The following SLC34A2 variants were observed in gnomAD, a reference collection of about 807,000 sequenced individuals.
SLC34A2 encodes sodium-dependent phosphate transport protein 2B.
Under a neutral mutation model 50.8 loss-of-function variants are expected in SLC34A2, and 41 were observed. The ratio of observed to expected loss-of-function variants is 0.81; its 90% confidence interval spans 0.63 to 1.05. SLC34A2 has a LOEUF of 1.05. SLC34A2 is among the 50% of genes least tolerant of loss of function. The probability of loss-of-function intolerance (pLI) is 0.00; values close to 1 mark genes in which losing one functional copy is unlikely to be tolerated. For missense variants in SLC34A2, 879 were observed against 876.7 expected (o/e 1.00, Z -0.03); for synonymous variants, 401 against 364.2 (o/e 1.10, Z -1.15).
intron 10 of SLC34A2, 144 bp from the exon 11 acceptor site, chr4:25,674,152 A>G (rs1714973181): frequency 2.8e-6 from 2 of 712,658 alleles, no homozygotes; most frequent in African/African-American, 1.7e-5. Flanking sequence ...GGGGAATGAA[A>G]CTGGATTCTA....
intron 12 of SLC34A2, 145 bp from the exon 13 acceptor site, chr4:25,675,990 G>T (rs1361017231): frequency 7.5e-7 from 1 of 1,328,248 alleles, no homozygotes. Flanking sequence ...GTACCCTCTG[G>T]GCTGAGCCAT....
rs199766525 is a variant in SLC34A2 at position 25,666,279 on chromosome 4, G to A, written c.523+8G>A. On this transcript the variant is annotated splice_region_variant and intron_variant, in intron 5 of 12. Coordinates refer to ENST00000382051, the MANE Select transcript of SLC34A2 (RefSeq NM_006424.3). ...GCATGGTGTCCTCTTCATGTGAGTCGGGGCACCCATGAGCCCACCTGCATT... is the reference window on the plus strand; with the variant it reads ...GCATGGTGTCCTCTTCATGTGAGTCAGGGCACCCATGAGCCCACCTGCATT... 8.6e-5 allele frequency: 139 copies of A among 1,613,398 alleles called. No homozygotes were observed. The highest frequency in any genetic ancestry group is 5.0e-4 in the Middle Eastern group (3 of 6,060).
chr4:25,670,751 T>C lies in SLC34A2; in HGVS notation c.845T>C (p.Val282Ala), dbSNP rs1403002865. The change falls in exon 8 of 13, where the codon GTT (valine) becomes GCT (alanine). Residue 282 changes from valine (V) to alanine (A), a missense_variant. By Grantham distance (64) the Val-to-Ala change is moderately conservative (BLOSUM62 0). Transcript: ENST00000382051. ...TKLIVQLDKK[V>A]ISQIAMNDEK... Reference sequence around the variant, plus strand: ...CTGTTTCCACAGCTGGATAAAAAAGTTATCAGCCAAATTGCAATGAACGAT... The same window carrying C: ...CTGTTTCCACAGCTGGATAAAAAAGCTATCAGCCAAATTGCAATGAACGAT... 1.2e-6 allele frequency: 2 copies of C among 1,613,774 alleles called. No individual in the cohort carries two copies. The highest frequency in any genetic ancestry group is 1.7e-6 in the Non-Finnish European group (2 of 1,179,708).
chr4:25,675,175 G>T (rs1715047517), intron 12 of SLC34A2, among the ~76,000 whole-genome samples: 1 of 152,164 alleles, frequency 6.6e-6, no homozygotes, highest in South Asian at 2.1e-4. Flanking sequence ...GGGATTACAG[G>T]CACCTGCCAC....
At chr4:25,656,878 TC>T (rs1713910795) in intron 1 of SLC34A2, among the ~76,000 whole-genome samples, 1 of 152,230 alleles carries the variant, frequency 6.6e-6, no homozygotes, top group Non-Finnish European at 1.5e-5. Context: ...CTGGGCCTTG[TC>T]GTTCTTTCCT....
At chr4:25,662,140 G>A (rs1714223345) in intron 1 of SLC34A2, among the ~76,000 whole-genome samples, 1 of 152,166 alleles carries the variant, frequency 6.6e-6, no homozygotes, top group Non-Finnish European at 1.5e-5. Flanking sequence ...CCAAAGTGCT[G>A]GGATTACAGG....
chr4:25,662,148 A>G (rs1714223684), intron 1 of SLC34A2, among the ~76,000 whole-genome samples: 1 of 152,246 alleles, frequency 6.6e-6, no homozygotes, highest in Non-Finnish European at 1.5e-5. Context: ...CTGGGATTAC[A>G]GGCGTGAGCC....
At chr4:25,667,582 A>G (rs568247318) in intron 5 of SLC34A2, among the ~76,000 whole-genome samples, 7 of 152,364 alleles carry the variant, frequency 4.6e-5, no homozygotes, top group Non-Finnish European at 7.3e-5. Flanking sequence ...TGCCATGCAC[A>G]ACTGACTCAA....
intron 4 of SLC34A2, 30 bp downstream of exon 4, chr4:25,664,360 G>T (rs1016622290): frequency 3.7e-6 from 6 of 1,613,484 alleles, no homozygotes; most frequent in Middle Eastern, 3.4e-4. Context: ...AGGTCTGCGG[G>T]TGAGGGGCAT....
intron 6 of SLC34A2, among the ~76,000 whole-genome samples, chr4:25,668,654 A>ATAAAT (rs1193395909): frequency 4.7e-5 from 7 of 148,706 alleles, no homozygotes; most frequent in African/African-American, 1.8e-4. Context: ...AAAAAAAAAA[A>ATAAAT]AAATAAATAA....
Position 25,676,146 on chromosome 4 carries a change from C to G in SLC34A2, c.1470C>G (p.Cys490Trp). ...CTCTTGTGTTGCAGATCGCCCTGTG[C>G]CACTTTTTCTTCAACATCTCCGGCA... ...ALRSSLQIAL[C>W]HFFFNISGIL... The change falls in exon 13 of 13, where the codon TGC becomes TGG. Residue 490 changes from cysteine (C) to tryptophan (W), a missense_variant. Cys to Trp is a radical substitution (Grantham distance 215, BLOSUM62 -2). Coordinates refer to ENST00000382051, the MANE Select transcript of SLC34A2 (RefSeq NM_006424.3). 2.5e-6 allele frequency: 4 copies of G among 1,614,082 alleles called. No individual in the cohort carries two copies. Among genetic ancestry groups the G allele is most frequent in the Non-Finnish European group, 3.4e-6 (4 of 1,180,038 alleles).
chr4:25,662,595 G>A lies in SLC34A2; in HGVS notation c.95G>A (p.Ser32Asn). 1 of 1,614,102 alleles carries A rather than the reference G, an allele frequency of 6.2e-7. No individual in the cohort carries two copies. ...AGQQPTAPDK[S>N]KETNKTDNTE... Reference sequence around the variant, plus strand: ...CAGCAGCCCACTGCCCCTGATAAAAGCAAAGAGACCAACAAAAGTAAGTGT... The same window carrying A: ...CAGCAGCCCACTGCCCCTGATAAAAACAAAGAGACCAACAAAAGTAAGTGT... Residue 32 changes from serine (S) to asparagine (N), a missense_variant, in exon 2 of 13, where the codon AGC (serine) becomes AAC (asparagine). Ser to Asn is a conservative substitution (Grantham distance 46). Transcript: ENST00000382051.
At chr4:25,672,342 G>T (rs1215337109) in intron 9 of SLC34A2, among the ~76,000 whole-genome samples, 3 of 152,198 alleles carry the variant, frequency 2.0e-5, no homozygotes, top group Non-Finnish European at 4.4e-5. Context: ...ACATAGAACA[G>T]ATGTATTCAC....
chr4:25,672,518 A>G (rs1714873072), intron 9 of SLC34A2, among the ~76,000 whole-genome samples: 1 of 152,116 alleles, frequency 6.6e-6, no homozygotes, highest in Admixed American at 6.6e-5. Context: ...ATACTTTTGT[A>G]TATCTCTGCT....
intron 7 of SLC34A2, 139 bp from the exon 8 acceptor site, chr4:25,670,599 A>G: frequency 1.4e-6 from 1 of 700,038 alleles, no homozygotes; most frequent in Non-Finnish European, 2.6e-6. Flanking sequence ...CTGCAGATAG[A>G]GTGAGTCCCA....
rs1713850378 is a variant in SLC34A2, at chr4:25,655,855, G to C, written c.-39G>C. The C allele has an allele frequency of 6.6e-6, 1 of 152,322 alleles. No individual in the cohort carries two copies. The highest frequency in any genetic ancestry group is 2.1e-4 in the South Asian group (1 of 4,832). 9.4% of individuals were successfully genotyped at this position (152,322 alleles called of 1,614,324 possible). Reference sequence around the variant, plus strand: ...CCGGGGCGCTGCGCTCCACCTGGCCGCCGCCTCCAGCCCAGCACCTGCGGA... The same window carrying C: ...CCGGGGCGCTGCGCTCCACCTGGCCCCCGCCTCCAGCCCAGCACCTGCGGA... On this transcript the variant is annotated 5_prime_UTR_variant, in exon 1 of 13. Transcript: ENST00000382051.
intron 10 of SLC34A2, among the ~76,000 whole-genome samples, chr4:25,673,948 A>G (rs11945397): frequency 0.041 from 6,252 of 152,250 alleles, 411 homozygotes; most frequent in African/African-American, 0.14. Context: ...TGAAGGTTGA[A>G]GGTCAAATGT....
intron 1 of SLC34A2, among the ~76,000 whole-genome samples, chr4:25,656,147 A>G (rs1469317666): frequency 6.6e-6 from 1 of 152,208 alleles, no homozygotes; most frequent in Non-Finnish European, 1.5e-5. Flanking sequence ...TGTGGATTCT[A>G]AAATGATCAC....
chr4:25,676,940 C>A lies in SLC34A2; in HGVS notation c.*191C>A. On this transcript the variant is annotated 3_prime_UTR_variant, in exon 13 of 13. Transcript: ENST00000382051. ...GCCTGCAGGGCACTTTTATTCCAAC[C>A]CCTGGTCACTCAGTAATCTTTTACT... The A allele has an allele frequency of 1.5e-6, 1 of 674,800 alleles. No homozygotes were observed. Among genetic ancestry groups the A allele is most frequent in the South Asian group, 1.9e-5 (1 of 53,202 alleles). 41.8% of individuals were successfully genotyped at this position (674,800 alleles called of 1,614,324 possible). A position where few individuals can be genotyped will look rare whatever the true frequency, so the allele number is the denominator to read the frequency against.
Sources: allele counts gnomAD v4.1 joint callset (sites outside exome capture counted in the v4.1 genomes callset), GRCh38; gene constraint gnomAD v4.1.1; transcripts MANE v1.5; gene names NCBI Gene and HGNC (gene_info 2026-07-23, HGNC 2026-07-21).